Variants in NAALADL1 observed in about 807,000 individuals in gnomAD.
The protein encoded by NAALADL1 is aminopeptidase NAALADL1.
In NAALADL1, 77 loss-of-function variants were observed where a neutral mutation model predicts 82.8. The ratio of observed to expected loss-of-function variants is 0.93; its 90% confidence interval spans 0.77 to 1.12. The LOEUF (loss-of-function observed/expected upper bound fraction) is 1.12. Ranked by LOEUF, NAALADL1 falls within the 50% of genes most tolerant of loss-of-function variation. The probability of loss-of-function intolerance (pLI) is 0.00; values close to 1 mark genes in which losing one functional copy is unlikely to be tolerated. For synonymous variants in NAALADL1, 358 were observed against 399.2 expected (o/e 0.90, Z 1.23); for missense variants, 956 against 964.0 (o/e 0.99, Z 0.11).
At position 65,054,992 on chromosome 11, in the gene NAALADL1, T is replaced by C. The variant is rs1946999826; in HGVS notation, c.604-254A>G. Among the ~76,000 whole-genome samples the C allele has an allele frequency of 6.6e-6, 1 of 152,210 alleles. No homozygotes were observed. The highest frequency in any genetic ancestry group is 1.5e-5 in the Non-Finnish European group (1 of 68,046). ...TACAGTGGAATACCATGAAGCTGCA[T>C]AAAATAACACAGTTGTGTACTCATG... On this transcript the variant is annotated intron_variant, in intron 4 of 17. Transcript: ENST00000358658. This position sits in a 1 kb window ranked among gnomAD's most constrained non-coding sequence, Gnocchi z 4.3.
At chr11:65,050,753 C>T (rs1946865276) in intron 8 of NAALADL1, among the ~76,000 whole-genome samples, 1 of 152,184 alleles carries the variant, frequency 6.6e-6, no homozygotes, top group Admixed American at 6.5e-5. Context: ...TGCGCCACTG[C>T]ACTCCAGCCT....
intron 4 of NAALADL1, among the ~76,000 whole-genome samples, chr11:65,055,774 C>A (rs1047989196): frequency 2.6e-5 from 4 of 152,080 alleles, no homozygotes; most frequent in Non-Finnish European, 4.4e-5. Context: ...TGTATTTCTA[C>A]ACTGCTTGTT....
rs758157742 is a variant in NAALADL1 at position 65,046,435 on chromosome 11, C to G, written c.1681+10G>C. On this transcript the variant is annotated intron_variant, in intron 14 of 17. Transcript: ENST00000358658. ...CCTGGTCTCAGGATGCCCCTTGTCT[C>G]CCTCCTCACCCGGGTCCAAAAACTT... is the stretch of plus-strand genomic sequence containing the variant. The G allele has an allele frequency of 6.2e-7, 1 of 1,614,212 alleles. No individual in the cohort carries two copies. Among genetic ancestry groups the G allele is most frequent in the East Asian group, 2.2e-5 (1 of 44,882 alleles).
rs1190559643 is a variant in NAALADL1 at position 65,054,804 on chromosome 11, C to T, written c.604-66G>A. The stretch of plus-strand genomic sequence containing the variant: ...GGACCAGATATGTCCTATTCCTCTT[C>T]CTCCTTCCTCGACTGTGGAAGCCAG... On this transcript the variant is annotated intron_variant, in intron 4 of 17. Coordinates refer to ENST00000358658, the MANE Select transcript of NAALADL1 (RefSeq NM_005468.3). This position sits in a 1 kb window ranked among gnomAD's most constrained non-coding sequence, Gnocchi z 4.3. The T allele has an allele frequency of 6.5e-6, 10 of 1,549,370 alleles. No homozygotes were observed. In the East Asian group the frequency reaches 2.0e-4, roughly 31 times the overall value.
Position 65,047,646 on chromosome 11 carries a change from C to T in NAALADL1, c.1508+1G>A. 1.9e-6 allele frequency: 3 copies of T among 1,602,664 alleles called. No homozygotes were observed. Among genetic ancestry groups the T allele is most frequent in the Non-Finnish European group, 1.7e-6 (2 of 1,175,744 alleles). ...GGGCCCCCTTCTGTCCCTGGGCTTA[C>T]CTGGGGACCAGGCCGTACACCGGGC... On this transcript the variant is annotated splice_donor_variant, in intron 12 of 17. Coordinates refer to ENST00000358658, the MANE Select transcript of NAALADL1 (RefSeq NM_005468.3). LOFTEE classifies it high-confidence loss of function.
Position 65,046,283 on chromosome 11 carries a change from G to A in NAALADL1, c.1761C>T (p.Leu587=). The change falls in exon 15 of 18, where the codon CTC becomes CTT. Residue 587 remains leucine (L), a synonymous_variant. Transcript: ENST00000358658. ...LRLSDSFFLP[L]KVSDYSETLR... is the part of the protein sequence containing the mutation. ...GTGTCTCACTGTAGTCACTGACTTT[G>A]AGGGGCAGGAAGAAGCTGTCACTGA... is the stretch of plus-strand genomic sequence containing the variant. 1.2e-6 allele frequency: 2 copies of A among 1,614,176 alleles called. No homozygotes were observed. The highest frequency in any genetic ancestry group is 1.7e-6 in the Non-Finnish European group (2 of 1,180,040).
At chr11:65,055,924 C>G (rs1193195221) in intron 4 of NAALADL1, among the ~76,000 whole-genome samples, 1 of 144,230 alleles carries the variant, frequency 6.9e-6, no homozygotes, top group African/African-American at 2.6e-5. Context: ...TTGCTCTTGT[C>G]CCCCAGGCTG....
At position 65,054,295 on chromosome 11, in the gene NAALADL1, C is replaced by T. The variant is rs1419290505; in HGVS notation, c.947G>A (p.Arg316Lys). Residue 316 changes from arginine (R) to lysine (K), a missense_variant, in exon 6 of 18, where the codon AGG (arginine) becomes AAG (lysine). Physicochemically the swap from Arg to Lys is conservative, Grantham distance 26. Coordinates refer to ENST00000358658, the MANE Select transcript of NAALADL1 (RefSeq NM_005468.3). This position sits in a 1 kb window ranked among gnomAD's most constrained non-coding sequence, Gnocchi z 4.3. Reference sequence around the variant, plus strand: ...GTCAGGCCGGAAGCCGGGACCCAACCTGTAGTGGCAGCCCAGTGCTCCCTG... The same window carrying T: ...GTCAGGCCGGAAGCCGGGACCCAACTTGTAGTGGCAGCCCAGTGCTCCCTG... ...TWQGALGCHYRLGPGFRPDGD... is the reference protein window; with the variant it reads ...TWQGALGCHYKLGPGFRPDGD... 6.2e-7 allele frequency: 1 copy of T among 1,614,166 alleles called. No individual in the cohort carries two copies. The highest frequency in any genetic ancestry group is 2.2e-5 in the East Asian group (1 of 44,868).
At chr11:65,060,056 C>T (rs1045358879), upstream of NAALADL1, among the ~76,000 whole-genome samples, 7 of 152,178 alleles carry the variant, frequency 4.6e-5, no homozygotes, top group Admixed American at 3.3e-4. Flanking sequence ...GACTCTGCCT[C>T]GCAGGTTGCA....
At chr11:65,048,929 GA>G (rs1228820845) in intron 8 of NAALADL1, among the ~76,000 whole-genome samples, 4 of 152,308 alleles carry the variant, frequency 2.6e-5, no homozygotes, top group African/African-American at 9.6e-5. Context: ...ACTGGAGGTG[GA>G]AGCCAGGTTG....
intron 8 of NAALADL1, 146 bp from the exon 9 acceptor site, chr11:65,048,531 T>A: frequency 1.2e-6 from 1 of 841,866 alleles, no homozygotes; most frequent in Non-Finnish European, 1.9e-6. Flanking sequence ...CAGCCAGGCC[T>A]TCCAGGAGGC....
At chr11:65,056,606 C>G (rs1328291480) in intron 4 of NAALADL1, among the ~76,000 whole-genome samples, 1 of 151,932 alleles carries the variant, frequency 6.6e-6, no homozygotes, top group Non-Finnish European at 1.5e-5. Flanking sequence ...GGGGTTTCAC[C>G]GTGTTGCCCA....
In NAALADL1 at chr11:65,053,351, A is replaced by T. The variant is rs776938969; in HGVS notation, c.1079-14T>A. On this transcript the variant is annotated splice_polypyrimidine_tract_variant and intron_variant, in intron 7 of 17. Transcript: ENST00000358658. The surrounding 1 kb of genome is among the most constrained non-coding windows in gnomAD (Gnocchi z 4.3). ...GCACGTAGCGATCTGGCCAGAGGAAAAGGGGCAGAGAACCAGAGGAGAGGG... is the reference window on the plus strand; with the variant it reads ...GCACGTAGCGATCTGGCCAGAGGAATAGGGGCAGAGAACCAGAGGAGAGGG... 6.3e-7 allele frequency: 1 copy of T among 1,596,464 alleles called. No individual in the cohort carries two copies.
intron 8 of NAALADL1, among the ~76,000 whole-genome samples, chr11:65,051,664 T>G (rs1946892867): frequency 6.6e-6 from 1 of 151,912 alleles, no homozygotes; most frequent in African/African-American, 2.4e-5. Context: ...CGACATCATA[T>G]CATACAAGGG....
In NAALADL1 at chr11:65,045,169, G is replaced by A. The variant is rs1197620697; in HGVS notation, c.*102C>T. The A allele has an allele frequency of 7.6e-7, 1 of 1,310,892 alleles. No individual in the cohort carries two copies. Among genetic ancestry groups the A allele is most frequent in the Admixed American group, 2.5e-5 (1 of 40,816 alleles). The allele number at this position is 1,310,892 out of a possible 1,614,324, so 81.2% of individuals were successfully genotyped here. A position where few individuals can be genotyped will look rare whatever the true frequency, so the allele number is the denominator to read the frequency against. ...TGCCTGAGAAGCTTGAGAGGGTCCT[G>A]TGGTAGTGCCCTCTTCTGGCACCAA... On this transcript the variant is annotated 3_prime_UTR_variant, in exon 18 of 18. Coordinates refer to ENST00000358658, the MANE Select transcript of NAALADL1 (RefSeq NM_005468.3).
rs925346981 is a variant in NAALADL1 at position 65,053,175 on chromosome 11, C to G, written c.1198+43G>C. 6.7e-7 allele frequency: 1 copy of G among 1,496,484 alleles called. No individual in the cohort carries two copies. The highest frequency in any genetic ancestry group is 1.3e-5 in the South Asian group (1 of 76,078). 92.7% of individuals were successfully genotyped at this position (1,496,484 alleles called of 1,614,324 possible). On this transcript the variant is annotated intron_variant, in intron 8 of 17. Transcript: ENST00000358658. This position sits in a 1 kb window ranked among gnomAD's most constrained non-coding sequence, Gnocchi z 4.3. Reference sequence around the variant, plus strand: ...AGGAGGTGGAACAGGAAGGGGACCTCCGGGGGCGAAGGTCCCTGGTCCAGG... The same window carrying G: ...AGGAGGTGGAACAGGAAGGGGACCTGCGGGGGCGAAGGTCCCTGGTCCAGG...
chr11:65,053,654 C>T lies in NAALADL1; in HGVS notation c.993-78G>A, dbSNP rs1022777472. Reference sequence around the variant, plus strand: ...ACCCAGTGCAGGAGACACTGAGGCCCGGAGCTGGAAAGTGACGTGGCAAGG... The same window carrying T: ...ACCCAGTGCAGGAGACACTGAGGCCTGGAGCTGGAAAGTGACGTGGCAAGG... On this transcript the variant is annotated intron_variant, in intron 6 of 17. Coordinates refer to ENST00000358658, the MANE Select transcript of NAALADL1 (RefSeq NM_005468.3). This position sits in a 1 kb window ranked among gnomAD's most constrained non-coding sequence, Gnocchi z 4.3. 56 of 1,308,968 alleles carry T rather than the reference C, an allele frequency of 4.3e-5. No homozygotes were observed. Among genetic ancestry groups the T allele is most frequent in the African/African-American group, 5.9e-5 (4 of 67,246 alleles). 81.1% of individuals were successfully genotyped at this position (1,308,968 alleles called of 1,614,324 possible). A position where few individuals can be genotyped will look rare whatever the true frequency, so the allele number is the denominator to read the frequency against.
At chr11:65,050,559 G>T (rs1160109130) in intron 8 of NAALADL1, among the ~76,000 whole-genome samples, 1 of 151,646 alleles carries the variant, frequency 6.6e-6, no homozygotes, top group Non-Finnish European at 1.5e-5. Flanking sequence ...GAAGGCCAGA[G>T]CGGGTGGATC....
In NAALADL1 at chr11:65,058,095, G is replaced by A; in HGVS notation, c.341C>T (p.Pro114Leu). ...GACCTCACCGATGTCCACGACGTTG[G>A]GCTGCTCCTGGCTAGGGAAGGACAG... Reference protein sequence around the residue: ...VLLSFPSQEQPNVVDIVGPTG... With the variant: ...VLLSFPSQEQLNVVDIVGPTG... Residue 114 changes from proline to leucine, a missense_variant, in exon 2 of 18, where the codon CCC (proline) becomes CTC (leucine). By Grantham distance (98) the Pro-to-Leu change is moderately conservative (BLOSUM62 -3). Transcript: ENST00000358658. 6.2e-7 allele frequency: 1 copy of A among 1,611,482 alleles called. No individual in the cohort carries two copies. Among genetic ancestry groups the A allele is most frequent in the Non-Finnish European group, 8.5e-7 (1 of 1,178,120 alleles).
Sources: gnomAD v4.1 joint callset for allele counts (sites outside exome capture counted in the v4.1 genomes callset) on GRCh38, gnomAD v4.1.1 for gene constraint, Gnocchi (gnomAD v3.1) non-coding constraint, MANE v1.5 for transcripts, NCBI Gene and HGNC (gene_info 2026-07-23, HGNC 2026-07-21) for gene names.